The following MTM1 variants were observed in gnomAD, a reference collection of about 807,000 sequenced individuals.
The protein encoded by MTM1 is myotubularin 1, also known as myotubularin.
Under a neutral mutation model 52.1 loss-of-function variants are expected in MTM1, and 9 were observed. The observed-to-expected ratio is 0.17, with a 90% CI of 0.10 to 0.30. The LOEUF is 0.30. Among genes scored for constraint, MTM1 ranks in the 10% least tolerant of loss-of-function variants. The pLI is 1.00. For missense variants in MTM1, 277 were observed against 470.7 expected, an observed-to-expected ratio of 0.59 and a Z score of 3.81; for synonymous variants, 136 against 163.8, an observed-to-expected ratio of 0.83 and a Z score of 1.29.
intron 2 of MTM1, among the ~76,000 whole-genome samples, chrX:150,594,715 T>A (rs1442436126): frequency 8.9e-6 from 1 of 112,298 alleles, no homozygotes; most frequent in Non-Finnish European, 1.9e-5. Context: ...TCTGGTATAA[T>A]GTATAGCCTA....
chrX:150,585,918 TGAA>T (rs1271136722), intron 1 of MTM1, among the ~76,000 whole-genome samples: 1 of 111,900 alleles, frequency 8.9e-6, no homozygotes, highest in Non-Finnish European at 1.9e-5. Flanking sequence ...TCAGCTGTCT[TGAA>T]GATGTGCCAT....
chrX:150,628,646 C>G (rs1193633245), intron 6 of MTM1, among the ~76,000 whole-genome samples: 1 of 111,537 alleles, frequency 9.0e-6, no homozygotes, highest in Non-Finnish European at 1.9e-5. Context: ...TTCCCAGTTA[C>G]TCTTAATGAT....
At chrX:150,607,055 C>T (rs1007501268) in intron 4 of MTM1, among the ~76,000 whole-genome samples, 10 of 104,003 alleles carry the variant, frequency 9.6e-5, no homozygotes, top group African/African-American at 2.1e-4. Context: ...CTCGGCTCAC[C>T]GCAACCTCCA....
At chrX:150,584,591 A>T (rs2038748003) in intron 1 of MTM1, among the ~76,000 whole-genome samples, 1 of 111,281 alleles carries the variant, frequency 9.0e-6, no homozygotes, top group Non-Finnish European at 1.9e-5. Flanking sequence ...TGGTGCCAGA[A>T]TGGAAAACAT....
At chrX:150,641,548 A>G (rs2039849688) in intron 8 of MTM1, 130 bp downstream of exon 8, 1 of 778,319 alleles carries the variant, frequency 1.3e-6, no homozygotes, top group Non-Finnish European at 1.9e-6. Context: ...CTTTGTGAGT[A>G]CAAAGTACCA....
chrX:150,605,567 A>G (rs782075108), intron 4 of MTM1, among the ~76,000 whole-genome samples: 6 of 112,559 alleles, frequency 5.3e-5, no homozygotes, highest in Non-Finnish European at 9.4e-5. Context: ...TTGATTCTCT[A>G]TAAAGATGGA....
intron 1 of MTM1, among the ~76,000 whole-genome samples, chrX:150,581,290 C>G (rs782625484): frequency 1.8e-5 from 2 of 111,746 alleles, no homozygotes; most frequent in Non-Finnish European, 3.8e-5. Context: ...GGCCACATTG[C>G]TGGAATTTGT....
intron 6 of MTM1, among the ~76,000 whole-genome samples, chrX:150,631,061 A>G (rs1414652446): frequency 3.6e-5 from 4 of 112,192 alleles, no homozygotes; most frequent in Non-Finnish European, 5.6e-5. Context: ...GGGGCTGGCC[A>G]TGTAAGCACC....
intron 6 of MTM1, among the ~76,000 whole-genome samples, chrX:150,627,184 G>A (rs1286536834): frequency 4.5e-5 from 5 of 111,858 alleles, no homozygotes; most frequent in Non-Finnish European, 9.4e-5. Context: ...TTCTGAAAAT[G>A]ACCGAAGACC....
intron 14 of MTM1, 107 bp downstream of exon 14, chrX:150,663,716 T>C: frequency 1.4e-6 from 1 of 719,559 alleles, no homozygotes; most frequent in African/African-American, 2.1e-5. Flanking sequence ...TATCAGACTC[T>C]AAAAACACAC....
At chrX:150,596,149 AAAAG>A (rs782430122) in intron 2 of MTM1, among the ~76,000 whole-genome samples, 1 of 112,350 alleles carries the variant, frequency 8.9e-6, no homozygotes, top group African/African-American at 3.2e-5. Context: ...GAATATGAAA[AAAAG>A]AAAGCTGCTA....
At chrX:150,638,406 G>T (rs1338088769) in intron 6 of MTM1, among the ~76,000 whole-genome samples, 3 of 110,585 alleles carry the variant, frequency 2.7e-5, no homozygotes, top group African/African-American at 9.9e-5. Flanking sequence ...ATATAGAGAA[G>T]AGGTGAGAGG....
chrX:150,668,384 G>A (rs1380065916), intron 14 of MTM1, among the ~76,000 whole-genome samples: 4 of 111,192 alleles, frequency 3.6e-5, no homozygotes, highest in African/African-American at 6.6e-5. Flanking sequence ...CCATTCTCCT[G>A]AACATTAAAA....
At chrX:150,611,777 C>T (rs1230985164) in intron 4 of MTM1, among the ~76,000 whole-genome samples, 6 of 112,184 alleles carry the variant, frequency 5.3e-5, no homozygotes, top group East Asian at 5.6e-4. Context: ...TCGTGCTGCC[C>T]GTTTAGAGTC....
At chrX:150,593,239 C>A (rs1403085445) in intron 2 of MTM1, among the ~76,000 whole-genome samples, 1 of 112,281 alleles carries the variant, frequency 8.9e-6, no homozygotes, top group Non-Finnish European at 1.9e-5. Context: ...ACCTCTGTCT[C>A]GTGAAATTAC....
intron 6 of MTM1, among the ~76,000 whole-genome samples, chrX:150,637,590 G>A (rs1402230802): frequency 8.9e-6 from 1 of 112,316 alleles, no homozygotes; most frequent in Non-Finnish European, 1.9e-5. Context: ...GGTCATAAGT[G>A]ATAGGGAAAA....
chrX:150,629,710 T>G (rs1220141713), intron 6 of MTM1, among the ~76,000 whole-genome samples: 1 of 112,390 alleles, frequency 8.9e-6, no homozygotes, highest in Non-Finnish European at 1.9e-5. Flanking sequence ...TAATTTAAGT[T>G]GTAAATAGGT....
chrX:150,607,091 G>C (rs1201963651), intron 4 of MTM1, among the ~76,000 whole-genome samples: 3 of 107,497 alleles, frequency 2.8e-5, no homozygotes, highest in Admixed American at 9.9e-5. Flanking sequence ...GGGTTCAAGA[G>C]ATTCTCCCGC....
At chrX:150,663,369 T>C in intron 13 of MTM1, 64 bp from the exon 14 acceptor site, 1 of 1,134,318 alleles carries the variant, frequency 8.8e-7, no homozygotes, top group South Asian at 1.8e-5. Flanking sequence ...GGCTGCAAAA[T>C]GGTTTGTGGA....
Sources: gnomAD v4.1 joint callset for allele counts (sites outside exome capture counted in the v4.1 genomes callset) on GRCh38, gnomAD v4.1.1 for gene constraint, MANE v1.5 for transcripts, NCBI Gene and HGNC (gene_info 2026-07-23, HGNC 2026-07-21) for gene names.